The following PAK1 variants were observed in gnomAD, a reference collection of about 807,000 sequenced individuals.
PAK1 encodes the protein p21 (RAC1) activated kinase 1.
PAK1 carries 29 observed loss-of-function variants against 67.4 expected under a neutral mutation model. The observed-to-expected ratio is 0.43, with a 90% CI of 0.32 to 0.59. PAK1 has a LOEUF of 0.59. Ranked by LOEUF, PAK1 falls within the 20% of genes least tolerant of loss-of-function variation. The probability of loss-of-function intolerance (pLI) is 0.07; values close to 1 mark genes in which losing one functional copy is unlikely to be tolerated. For synonymous variants in PAK1, 223 were observed against 237.4 expected (o/e 0.94, Z 0.56); for missense variants, 337 against 670.7 (o/e 0.50, Z 5.50).
At chr11:77,381,753 GCTA>G (rs1949866866) in intron 2 of PAK1, among the ~76,000 whole-genome samples, 1 of 152,206 alleles carries the variant, frequency 6.6e-6, no homozygotes, top group South Asian at 2.1e-4. Flanking sequence ...TACTCATACA[GCTA>G]CTGAGAGCTG....
At chr11:77,363,114 C>T (rs370257447) in intron 5 of PAK1, among the ~76,000 whole-genome samples, 2 of 152,100 alleles carry the variant, frequency 1.3e-5, no homozygotes, top group South Asian at 2.1e-4. Context: ...AGACTATATC[C>T]TAAGGAAATT....
the PAK1 span, among the ~76,000 whole-genome samples, chr11:77,523,143 G>A: frequency 6.6e-6 from 1 of 152,134 alleles, no homozygotes; most frequent in Non-Finnish European, 1.5e-5. Flanking sequence ...CTGGGTGATG[G>A]GGTCAGTTAT....
chr11:77,393,855 T>C (rs1951481687), intron 1 of PAK1, among the ~76,000 whole-genome samples: 3 of 151,754 alleles, frequency 2.0e-5, no homozygotes, highest in East Asian at 3.9e-4. Flanking sequence ...ATACAAAAAT[T>C]AGCCAGGCGT....
chr11:77,480,822 C>A, the PAK1 span, among the ~76,000 whole-genome samples: 1 of 152,166 alleles, frequency 6.6e-6, no homozygotes, highest in African/African-American at 2.4e-5. Flanking sequence ...CCACACCCAG[C>A]CTAAATATTT....
chr11:77,354,321 G>A (rs539919013), intron 7 of PAK1, among the ~76,000 whole-genome samples: 89 of 152,166 alleles, frequency 5.8e-4, no homozygotes, highest in African/African-American at 2.0e-3. Flanking sequence ...TTAGTCTCCC[G>A]GTCCAATGTG....
chr11:77,407,094 T>C (rs12277109), intron 1 of PAK1, among the ~76,000 whole-genome samples: 6,345 of 152,240 alleles, frequency 0.042, 465 homozygotes, highest in African/African-American at 0.14. Flanking sequence ...TCAAAGTAGG[T>C]ATGAATATCT....
At chr11:77,423,261 G>A (rs1425803283) in intron 1 of PAK1, among the ~76,000 whole-genome samples, 1 of 148,950 alleles carries the variant, frequency 6.7e-6, no homozygotes, top group African/African-American at 2.5e-5. Context: ...GATATGAAAG[G>A]AAGACTGAGA....
intron 1 of PAK1, chr11:77,408,347 C>A (rs1287494659): frequency 6.6e-6 from 1 of 152,082 alleles, no homozygotes; most frequent in African/African-American, 2.4e-5. Context: ...CACATATATA[C>A]ATACACACAC....
Position 77,323,022 on chromosome 11 carries a change from T to A in PAK1, c.*252A>T. ...ATTTATTTATATAAACCCTTAATCA[T>A]AAACCACCCTCATATCCATGAATTG... On this transcript the variant is annotated 3_prime_UTR_variant, in exon 15 of 15. Transcript: ENST00000356341. 2 of 705,864 alleles carry A rather than the reference T, an allele frequency of 2.8e-6. No homozygotes were observed. Among genetic ancestry groups the A allele is most frequent in the South Asian group, 3.1e-5 (2 of 63,496 alleles). The allele number at this position is 705,864 out of a possible 1,614,324, so 43.7% of individuals were successfully genotyped here. A position where few individuals can be genotyped will look rare whatever the true frequency, so the allele number is the denominator to read the frequency against.
the PAK1 span, among the ~76,000 whole-genome samples, chr11:77,483,921 C>A: frequency 6.6e-6 from 1 of 152,106 alleles, no homozygotes; most frequent in Admixed American, 6.6e-5. Context: ...AATGGCAGAG[C>A]TTTACGTTAC....
intron 1 of PAK1, among the ~76,000 whole-genome samples, chr11:77,444,476 T>G (rs1956506948): frequency 1.3e-5 from 2 of 152,284 alleles, no homozygotes; most frequent in East Asian, 3.9e-4. Flanking sequence ...ATGTCCTGAT[T>G]CACCCTCGTT....
intron 1 of PAK1, among the ~76,000 whole-genome samples, chr11:77,467,877 C>A (rs1043739868): frequency 1.3e-5 from 2 of 152,194 alleles, no homozygotes; most frequent in South Asian, 2.1e-4. Flanking sequence ...CTTCCTTAAA[C>A]CCTCCCTTGG....
At chr11:77,329,180 T>G (rs1940821125) in intron 14 of PAK1, 1 of 152,310 alleles carries the variant, frequency 6.6e-6, no homozygotes, top group Non-Finnish European at 1.5e-5. Context: ...ACCAGATGGA[T>G]TCACAGCCGA....
intron 5 of PAK1, among the ~76,000 whole-genome samples, chr11:77,370,857 T>C (rs1948335662): frequency 6.6e-6 from 1 of 152,202 alleles, no homozygotes; most frequent in Non-Finnish European, 1.5e-5. Flanking sequence ...ACTACATCAA[T>C]CTTCTACTTA....
At chr11:77,367,371 T>G (rs1221271087) in intron 5 of PAK1, among the ~76,000 whole-genome samples, 1 of 151,732 alleles carries the variant, frequency 6.6e-6, no homozygotes, top group Non-Finnish European at 1.5e-5. Flanking sequence ...ACCTCTAACA[T>G]AAAAGTGTGA....
intron 1 of PAK1, among the ~76,000 whole-genome samples, chr11:77,433,974 TAAAAAG>T (rs1565700094): frequency 1.3e-5 from 2 of 151,944 alleles, no homozygotes; most frequent in African/African-American, 4.8e-5. Flanking sequence ...ATGCCTAAAA[TAAAAAG>T]ATAGTAACAA....
chr11:77,396,247 T>C (rs1951815499), intron 1 of PAK1, among the ~76,000 whole-genome samples: 1 of 152,212 alleles, frequency 6.6e-6, no homozygotes, highest in African/African-American at 2.4e-5. Context: ...TTTCAATTCT[T>C]TTACTACATT....
chr11:77,387,800 C>T (rs1284513660), intron 2 of PAK1, among the ~76,000 whole-genome samples: 2 of 152,124 alleles, frequency 1.3e-5, no homozygotes, highest in African/African-American at 4.8e-5. Flanking sequence ...GTTATAAGTC[C>T]AGTTCCAGAC....
upstream of PAK1, chr11:77,474,287 G>C (rs1041199315): frequency 6.6e-6 from 1 of 152,012 alleles, no homozygotes; most frequent in African/African-American, 2.4e-5. Context: ...GGGGCGGGGA[G>C]GGCCTGACCG....
Sources: gnomAD v4.1 joint callset for allele counts (sites outside exome capture counted in the v4.1 genomes callset) on GRCh38, gnomAD v4.1.1 for gene constraint, MANE v1.5 for transcripts, NCBI Gene and HGNC (gene_info 2026-07-23, HGNC 2026-07-21) for gene names.